STAG2: variants seen among roughly 807,000 people sequenced by gnomAD.
STAG2 encodes the protein cohesin subunit SA-2.
A neutral mutation model predicts 108.1 loss-of-function variants in STAG2; 14 were observed. The observed-to-expected ratio is 0.13, with a 90% CI of 0.09 to 0.20. STAG2 has a LOEUF of 0.20. STAG2 is among the 10% of genes least tolerant of loss of function. STAG2 has a pLI of 1.00. For missense variants in STAG2, 440 were observed against 940.9 expected, an observed-to-expected ratio of 0.47 and a Z score of 6.96; for synonymous variants, 307 against 302.7, an observed-to-expected ratio of 1.01 and a Z score of -0.15.
intron 34 of STAG2, among the ~76,000 whole-genome samples, chrX:124,096,360 T>C (rs990138426): frequency 1.8e-5 from 2 of 111,550 alleles, no homozygotes; most frequent in African/African-American, 6.5e-5. Context: ...CCTGACTCCA[T>C]AACTTTGTAT....
chrX:124,061,481 ATAT>A (rs1321068991), intron 16 of STAG2, 140 bp downstream of exon 16: 2 of 464,261 alleles, frequency 4.3e-6, no homozygotes, highest in African/African-American at 4.9e-5. Flanking sequence ...TTTCATATAA[ATAT>A]TATGCTATGT....
chrX:124,090,432 T>C, intron 30 of STAG2, 143 bp from the exon 31 acceptor site: 1 of 491,985 alleles, frequency 2.0e-6, no homozygotes, highest in Non-Finnish European at 3.5e-6. Flanking sequence ...GGTCAGGGAC[T>C]GCCCCTTACA....
chrX:123,989,120 G>T (rs919274875), intron 1 of STAG2, among the ~76,000 whole-genome samples: 13 of 111,538 alleles, frequency 1.2e-4, no homozygotes, highest in African/African-American at 4.2e-4. Context: ...GTTAGTATCC[G>T]GTAGACTTAA....
intron 1 of STAG2, among the ~76,000 whole-genome samples, chrX:124,019,031 G>A (rs982961858): frequency 3.8e-5 from 4 of 106,523 alleles, no homozygotes; most frequent in South Asian, 4.2e-4. Flanking sequence ...GCAAACACTC[G>A]GATACATGGA....
At chrX:123,973,030 T>C (rs1351597654) in intron 1 of STAG2, among the ~76,000 whole-genome samples, 1 of 105,184 alleles carries the variant, frequency 9.5e-6, no homozygotes, top group Admixed American at 1.0e-4. Flanking sequence ...GCCTGGGTGA[T>C]AGAGTGAGAC....
intron 1 of STAG2, among the ~76,000 whole-genome samples, chrX:123,995,843 C>A (rs1314656218): frequency 8.9e-6 from 1 of 112,196 alleles, no homozygotes; most frequent in African/African-American, 3.2e-5. Context: ...TTCCTGATTT[C>A]CTTAGCAAGA....
At chrX:124,065,829 A>G (rs1386498719) in intron 20 of STAG2, 47 bp from the exon 21 acceptor site, 1 of 888,090 alleles carries the variant, frequency 1.1e-6, no homozygotes. Flanking sequence ...TTGATAGCCT[A>G]GGAGTTTTCA....
In STAG2 at chrX:124,066,522, T is replaced by C. The variant is rs951883299; in HGVS notation, c.2265+86T>C. 31 of 664,199 alleles carry C rather than the reference T, an allele frequency of 4.7e-5. No homozygotes were observed. In the Admixed American group the frequency reaches 9.0e-4, roughly 19 times the overall value. The allele number at this position is 664,199 out of a possible 1,213,427, so 54.7% of individuals were successfully genotyped here. On this transcript the variant is annotated intron_variant, in intron 23 of 34. Transcript: ENST00000371145. The stretch of plus-strand genomic sequence containing the variant: ...CTCACACATTTAATGAGATCAGTTA[T>C]TTCAGTGAAATGTTGCTTGTTTCTA...
chrX:124,002,575 C>A lies in STAG2; in HGVS notation c.-162-18792C>A, dbSNP rs2056091307. 3.6e-5 allele frequency among the ~76,000 whole-genome samples: 4 copies of A among 111,124 alleles called. No individual in the cohort carries two copies. In the South Asian group the frequency reaches 1.5e-3, roughly 42 times the overall value. The stretch of plus-strand genomic sequence containing the variant: ...TTTCACCTTATGAGTAGAAAATTAC[C>A]TGTGTGGTTTTACTTGGGAACTAAA... On this transcript the variant is annotated intron_variant, in intron 1 of 34. Coordinates refer to ENST00000371145, the MANE Select transcript of STAG2 (RefSeq NM_001042750.2).
At chrX:124,066,039 G>C in intron 21 of STAG2, 93 bp downstream of exon 21, 2 of 944,778 alleles carry the variant, frequency 2.1e-6, no homozygotes, top group Non-Finnish European at 1.4e-6. Context: ...CTAATTTGTT[G>C]TTGTCGTTGT....
chrX:124,031,630 CT>C (rs1341136325), intron 5 of STAG2, among the ~76,000 whole-genome samples: 1 of 109,154 alleles, frequency 9.2e-6, no homozygotes, highest in South Asian at 4.0e-4. Context: ...GTTGGCCAGG[CT>C]TGTCTCAAAC....
intron 34 of STAG2, among the ~76,000 whole-genome samples, chrX:124,096,674 G>A (rs1262922989): frequency 2.7e-5 from 3 of 111,357 alleles, no homozygotes; most frequent in Non-Finnish European, 3.8e-5. Context: ...TCATTTAAAT[G>A]CCCTGCCATC....
At position 124,065,941 on chromosome X, in the gene STAG2, T is replaced by G; in HGVS notation, c.2091T>G (p.Phe697Leu). ...CAACATTGAAGAGGATCACTGCTTT[T>G]CATAAGTAAGTTGAATTTTGAAGTT... Reference protein sequence around the residue: ...VLSTLKRITAFHNAHDLSKWD... With the variant: ...VLSTLKRITALHNAHDLSKWD... The change falls in exon 21 of 35, where the codon TTT (phenylalanine) becomes TTG (leucine). Residue 697 changes from phenylalanine (F) to leucine (L), a missense_variant. Physicochemically the swap from Phe to Leu is conservative, Grantham distance 22. Transcript: ENST00000371145. 8.5e-7 allele frequency: 1 copy of G among 1,170,918 alleles called. No homozygotes were observed. The highest frequency in any genetic ancestry group is 1.8e-5 in the African/African-American group (1 of 55,742).
chrX:124,064,772 GTTATTA>G (rs72418096), intron 20 of STAG2, among the ~76,000 whole-genome samples: 1 of 111,179 alleles, frequency 9.0e-6, no homozygotes, highest in Non-Finnish European at 1.9e-5. Context: ...ACTTTAATAA[GTTATTA>G]TTATTATAGC....
At position 124,004,369 on chromosome X, in the gene STAG2, A is replaced by T. The variant is rs182865240; in HGVS notation, c.-162-16998A>T. Among the ~76,000 whole-genome samples the T allele has an allele frequency of 3.8e-3, 430 of 112,024 alleles. 1 individual carries two copies. The highest frequency in any genetic ancestry group is 0.013 in the African/African-American group (404 of 30,871). ...AATTTCCCATTTTCCCTAGCCCAAG[A>T]TAACCAACCACCATTCTACTTTCTC... On this transcript the variant is annotated intron_variant, in intron 1 of 34. Coordinates refer to ENST00000371145, the MANE Select transcript of STAG2 (RefSeq NM_001042750.2).
intron 5 of STAG2, 121 bp from the exon 6 acceptor site, chrX:124,037,400 TGTATAA>T (rs1467544426): frequency 4.4e-6 from 1 of 227,728 alleles, no homozygotes; most frequent in Non-Finnish European, 8.2e-6. Flanking sequence ...TAAATTTCAG[TGTATAA>T]GTATTTATAT....
chrX:124,079,045 T>C (rs2058878292), intron 27 of STAG2, among the ~76,000 whole-genome samples: 1 of 111,188 alleles, frequency 9.0e-6, no homozygotes, highest in Admixed American at 9.5e-5. Flanking sequence ...ATTACTGACT[T>C]AGTATACTTT....
At chrX:123,996,178 A>G (rs1222469240) in intron 1 of STAG2, among the ~76,000 whole-genome samples, 3 of 112,408 alleles carry the variant, frequency 2.7e-5, no homozygotes, top group Non-Finnish European at 5.6e-5. Context: ...GCCTTTGGCC[A>G]ATGCCTTCAA....
chrX:124,039,246 C>T (rs1237546889), intron 6 of STAG2, among the ~76,000 whole-genome samples: 1 of 108,352 alleles, frequency 9.2e-6, no homozygotes, highest in Non-Finnish European at 1.9e-5. Flanking sequence ...GCCTTGACCT[C>T]CTGGGCTCAG....
Sources: gnomAD v4.1 joint callset for allele counts (sites outside exome capture counted in the v4.1 genomes callset) on GRCh38, gnomAD v4.1.1 for gene constraint, MANE v1.5 for transcripts, NCBI Gene and HGNC (gene_info 2026-07-23, HGNC 2026-07-21) for gene names.